KIF13A: variants seen among roughly 807,000 people sequenced by gnomAD.
The protein encoded by KIF13A is kinesin family member 13A.
Under a neutral mutation model 212.2 loss-of-function variants are expected in KIF13A, and 79 were observed. The observed-to-expected ratio is 0.37, with a 90% CI of 0.31 to 0.45. KIF13A has a LOEUF of 0.45. KIF13A is among the 20% of genes least tolerant of loss of function. The pLI, the probability that KIF13A is intolerant of heterozygous loss-of-function variation, is 1.00. For synonymous variants in KIF13A, 789 were observed against 808.6 expected (o/e 0.98, Z 0.41); for missense variants, 1,901 against 2,209.0 (o/e 0.86, Z 2.79).
At position 17,915,709 on chromosome 6, in the gene KIF13A, C is replaced by T. The variant is rs372601528; in HGVS notation, c.147-17529G>A. 2.0e-5 allele frequency among the ~76,000 whole-genome samples: 3 copies of T among 152,078 alleles called. No individual in the cohort carries two copies. The highest frequency in any genetic ancestry group is 4.8e-5 in the African/African-American group (2 of 41,398). The stretch of plus-strand genomic sequence containing the variant: ...AGGCACAGTGGCTCACGCCTGTAAT[C>T]GCAGCACTTTGGGAGGCTAAGGCAG... On this transcript the variant is annotated intron_variant, in intron 2 of 38. Coordinates refer to ENST00000259711, the MANE Select transcript of KIF13A (RefSeq NM_022113.6). This position sits in a 1 kb window ranked among gnomAD's most constrained non-coding sequence, Gnocchi z 4.4.
At chr6:17,916,023 G>A (rs929189245) in intron 2 of KIF13A, among the ~76,000 whole-genome samples, 1 of 152,028 alleles carries the variant, frequency 6.6e-6, no homozygotes, top group African/African-American at 2.4e-5. Context: ...TGAGATTTTA[G>A]GAGGCATGCT....
At chr6:17,878,339 G>C (rs1229837820) in intron 3 of KIF13A, among the ~76,000 whole-genome samples, 2 of 151,988 alleles carry the variant, frequency 1.3e-5, no homozygotes, top group Admixed American at 1.3e-4. Flanking sequence ...ATATATAGTG[G>C]AATAATCATT....
At chr6:17,907,131 T>A (rs1206841057) in intron 2 of KIF13A, among the ~76,000 whole-genome samples, 1 of 152,236 alleles carries the variant, frequency 6.6e-6, no homozygotes, top group Non-Finnish European at 1.5e-5. Flanking sequence ...TCTGTTACTA[T>A]CTGCTTTAAC....
In KIF13A at chr6:17,826,092, G is replaced by A. The variant is rs1764937637; in HGVS notation, c.1565C>T (p.Thr522Ile). The change falls in exon 15 of 39, where the codon ACC becomes ATC. Residue 522 changes from threonine (T) to isoleucine (I), a missense_variant. By Grantham distance (89) the Thr-to-Ile change is moderately conservative. This residue lies in a region of KIF13A where 506 missense variants were observed against 637.4 expected (regional missense o/e 0.79). Coordinates refer to ENST00000259711, the MANE Select transcript of KIF13A (RefSeq NM_022113.6). The surrounding 1 kb of genome is among the most constrained non-coding windows in gnomAD (Gnocchi z 4.7). ...TCGGTCACCATGCCACAGCTGGGTG[G>A]TACTGCACACAAGGGTGCCGTTCAC... Reference protein sequence around the residue: ...SCVNGTLVCSTTQLWHGDRIL... With the variant: ...SCVNGTLVCSITQLWHGDRIL... 6.2e-7 allele frequency: 1 copy of A among 1,614,006 alleles called. No individual in the cohort carries two copies. The highest frequency in any genetic ancestry group is 8.5e-7 in the Non-Finnish European group (1 of 1,179,884).
chr6:17,939,177 T>C (rs949339324), intron 2 of KIF13A, among the ~76,000 whole-genome samples: 1 of 152,194 alleles, frequency 6.6e-6, no homozygotes, highest in African/African-American at 2.4e-5. Flanking sequence ...GTGCATCTGC[T>C]ACATATTAAC....
At chr6:17,842,033 GTA>G (rs1231351646) in intron 9 of KIF13A, among the ~76,000 whole-genome samples, 7 of 140,722 alleles carry the variant, frequency 5.0e-5, no homozygotes, top group Admixed American at 3.5e-4. Flanking sequence ...GTGTGTGTGT[GTA>G]TACACTTATA....
chr6:17,812,868 A>G (rs1344382598), intron 17 of KIF13A, among the ~76,000 whole-genome samples: 2 of 152,324 alleles, frequency 1.3e-5, no homozygotes, highest in Non-Finnish European at 2.9e-5. Flanking sequence ...AATAATAGCC[A>G]TTCTGACTGG....
intron 20 of KIF13A, among the ~76,000 whole-genome samples, chr6:17,802,593 CTTT>C (rs898441786): frequency 2.0e-5 from 3 of 148,390 alleles, no homozygotes; most frequent in African/African-American, 7.4e-5. Context: ...CCCGGCCAAG[CTTT>C]TTTTTTTCTT....
At chr6:17,805,675 C>A in intron 18 of KIF13A, 60 bp from the exon 19 acceptor site, 1 of 1,462,742 alleles carries the variant, frequency 6.8e-7, no homozygotes, top group Admixed American at 2.1e-5. Context: ...ATTGCTAAAG[C>A]AATATATATA....
At position 17,834,999 on chromosome 6, in the gene KIF13A, C is replaced by T. The variant is rs369497381; in HGVS notation, c.1156-928G>A. 2.0e-5 allele frequency among the ~76,000 whole-genome samples: 3 copies of T among 151,604 alleles called. No homozygotes were observed. The highest frequency in any genetic ancestry group is 1.9e-4 in the East Asian group (1 of 5,164). On this transcript the variant is annotated intron_variant, in intron 11 of 38. Coordinates refer to ENST00000259711, the MANE Select transcript of KIF13A (RefSeq NM_022113.6). This position sits in a 1 kb window ranked among gnomAD's most constrained non-coding sequence, Gnocchi z 4.0. ...CTTGAGACCAGCCTGGCTAACATGG[C>T]GAAACCCTGTCTCTACTAAAAATAC...
chr6:17,842,751 A>T (rs981992645), intron 9 of KIF13A, among the ~76,000 whole-genome samples: 2 of 152,194 alleles, frequency 1.3e-5, no homozygotes, highest in Non-Finnish European at 2.9e-5. Context: ...AATCATAATG[A>T]AGAACTAAGG....
chr6:17,799,294 T>C lies in KIF13A; in HGVS notation c.2762A>G (p.Gln921Arg), dbSNP rs1762289305. 1 of 1,610,914 alleles carries C rather than the reference T, an allele frequency of 6.2e-7. No homozygotes were observed. The highest frequency in any genetic ancestry group is 8.5e-7 in the Non-Finnish European group (1 of 1,178,598). ...ACAGTGGGAGAAGGTCACTGTGTACTGGGCATCCTTGGACTGTGGTGAAGG... is the reference window on the plus strand; with the variant it reads ...ACAGTGGGAGAAGGTCACTGTGTACCGGGCATCCTTGGACTGTGGTGAAGG... ...EVPSPQSKDA[Q>R]YTVTFSHCKD... Residue 921 changes from glutamine to arginine, a missense_variant, in exon 22 of 39, where the codon CAG (glutamine) becomes CGG (arginine). Physicochemically the swap from Gln to Arg is conservative, Grantham distance 43. This residue lies in a region of KIF13A where 534 missense variants were observed against 536.9 expected (regional missense o/e 0.99). Transcript: ENST00000259711. This position sits in a 1 kb window ranked among gnomAD's most constrained non-coding sequence, Gnocchi z 4.4.
intron 2 of KIF13A, among the ~76,000 whole-genome samples, chr6:17,939,074 A>G (rs1392268084): frequency 2.0e-5 from 3 of 152,206 alleles, no homozygotes; most frequent in African/African-American, 4.8e-5. Flanking sequence ...CCAATTGAGT[A>G]AAAGTATAAA....
rs1351890378 is a variant in KIF13A at position 17,787,946 on chromosome 6, A to C, written c.3262-71T>G. On this transcript the variant is annotated intron_variant, in intron 26 of 38. Coordinates refer to ENST00000259711, the MANE Select transcript of KIF13A (RefSeq NM_022113.6). The surrounding 1 kb of genome is among the most constrained non-coding windows in gnomAD (Gnocchi z 4.6). ...ACGATTTCTTTCTTTCTTTTTTTAA[A>C]AGATGTTTAAATCAACTAGGAAATT... 3 of 888,926 alleles carry C rather than the reference A, an allele frequency of 3.4e-6. No individual in the cohort carries two copies. In the African/African-American group the frequency reaches 5.0e-5, roughly 15 times the overall value. The allele number at this position is 888,926 out of a possible 1,614,324, so 55.1% of individuals were successfully genotyped here. A position where few individuals can be genotyped will look rare whatever the true frequency, so the allele number is the denominator to read the frequency against.
intron 29 of KIF13A, among the ~76,000 whole-genome samples, chr6:17,781,667 G>A (rs1478937877): frequency 8.2e-6 from 1 of 122,168 alleles, no homozygotes; most frequent in Non-Finnish European, 1.6e-5. Context: ...TTGCTCTGTT[G>A]CTGATGCTTG....
intron 3 of KIF13A, among the ~76,000 whole-genome samples, chr6:17,882,567 T>TC (rs1771168644): frequency 1.5e-5 from 2 of 137,420 alleles, no homozygotes; most frequent in African/African-American, 5.1e-5. Flanking sequence ...CCTTTATAAA[T>TC]TTTTTTTTTT....
chr6:17,785,662 A>C lies in KIF13A; in HGVS notation c.3362-21T>G. The C allele has an allele frequency of 6.3e-7, 1 of 1,593,428 alleles. No homozygotes were observed. The highest frequency in any genetic ancestry group is 8.5e-7 in the Non-Finnish European group (1 of 1,169,912). On this transcript the variant is annotated intron_variant, in intron 27 of 38. Coordinates refer to ENST00000259711, the MANE Select transcript of KIF13A (RefSeq NM_022113.6). The surrounding 1 kb of genome is among the most constrained non-coding windows in gnomAD (Gnocchi z 5.8). Reference sequence around the variant, plus strand: ...TTTCTCTGCAGAAAAAAATGAGGAGATCAATGCCAACAAGAGAGAAAGTAT... The same window carrying C: ...TTTCTCTGCAGAAAAAAATGAGGAGCTCAATGCCAACAAGAGAGAAAGTAT...
rs531146543 is a variant in KIF13A, at chr6:17,914,851, A to G, written c.147-16671T>C. Among the ~76,000 whole-genome samples, 2 of 152,208 alleles carry G rather than the reference A, an allele frequency of 1.3e-5. No individual in the cohort carries two copies. The highest frequency in any genetic ancestry group is 6.5e-5 in the Admixed American group (1 of 15,286). The stretch of plus-strand genomic sequence containing the variant: ...TGTGCAATTCTCTTGTCATGTCTTC[A>G]AAAGTATCACACAGTGAGGCTTTCC... On this transcript the variant is annotated intron_variant, in intron 2 of 38. Transcript: ENST00000259711. The surrounding 1 kb of genome is among the most constrained non-coding windows in gnomAD (Gnocchi z 5.9).
intron 2 of KIF13A, among the ~76,000 whole-genome samples, chr6:17,959,673 C>T (rs1201746063): frequency 6.6e-6 from 1 of 152,160 alleles, no homozygotes. Context: ...CCACATTAAC[C>T]CAAAATAAAC....
Sources: gnomAD v4.1 joint callset for allele counts (sites outside exome capture counted in the v4.1 genomes callset) on GRCh38, gnomAD v4.1.1 for gene constraint, gnomAD v4.1.1 regional missense constraint, Gnocchi (gnomAD v3.1) non-coding constraint, MANE v1.5 for transcripts, NCBI Gene and HGNC (gene_info 2026-07-23, HGNC 2026-07-21) for gene names.